The following SPTB variants were observed in gnomAD, a reference collection of about 807,000 sequenced individuals.
SPTB encodes the protein spectrin beta, erythrocytic, also known as spectrin beta chain, erythrocytic.
A neutral mutation model predicts 256.2 loss-of-function variants in SPTB; 45 were observed. The observed-to-expected ratio is 0.18, with a 90% CI of 0.14 to 0.23. The LOEUF (loss-of-function observed/expected upper bound fraction) is 0.23. Among genes scored for constraint, SPTB ranks in the 10% least tolerant of loss-of-function variants. SPTB has a pLI of 1.00. For missense variants in SPTB, 2,715 were observed against 3,040.4 expected (o/e 0.89, Z 2.52); for synonymous variants, 1,231 against 1,243.1 (o/e 0.99, Z 0.21).
chr14:64,765,546 C>T (rs754418673), intron 32 of SPTB, among the ~76,000 whole-genome samples: 17 of 152,170 alleles, frequency 1.1e-4, no homozygotes, highest in Non-Finnish European at 1.8e-4. Flanking sequence ...TCCTCCTTTC[C>T]GACAAGTTGG....
At chr14:64,766,613 G>T in intron 32 of SPTB, 113 bp downstream of exon 32, 2 of 1,608,956 alleles carry the variant, frequency 1.2e-6, no homozygotes. Flanking sequence ...GGAGGATGGA[G>T]GGCGGGGCTG....
intron 22 of SPTB, among the ~76,000 whole-genome samples, chr14:64,776,452 C>CT (rs1423664755): frequency 2.0e-5 from 3 of 152,116 alleles, no homozygotes; most frequent in East Asian, 1.9e-4. Flanking sequence ...AAATTAATTT[C>CT]TTTTTTTTAA....
At chr14:64,821,881 G>T (rs571339322) in intron 2 of SPTB, among the ~76,000 whole-genome samples, 4 of 152,160 alleles carry the variant, frequency 2.6e-5, no homozygotes, top group Non-Finnish European at 5.9e-5. Context: ...TCCCAGAGGG[G>T]TCCAGGGCCC....
chr14:64,789,422 C>T (rs2082630497), intron 15 of SPTB, among the ~76,000 whole-genome samples: 1 of 151,926 alleles, frequency 6.6e-6, no homozygotes, highest in Admixed American at 6.6e-5. Flanking sequence ...TGGATAGAGA[C>T]ATAAACAAGT....
chr14:64,855,955 T>G (rs397901), intron 1 of SPTB, among the ~76,000 whole-genome samples: 142,838 of 152,298 alleles, frequency 0.94, 67,595 homozygotes, highest in Non-Finnish European at 0.98. Context: ...TGGGCTGCAG[T>G]GCAGAGCTGC....
At chr14:64,812,661 C>T (rs1594803926) in intron 2 of SPTB, among the ~76,000 whole-genome samples, 1 of 152,134 alleles carries the variant, frequency 6.6e-6, no homozygotes, top group East Asian at 1.9e-4. Flanking sequence ...CAGCTGCCAG[C>T]CCCACCCACT....
chr14:64,843,283 C>T (rs933833530), intron 1 of SPTB, among the ~76,000 whole-genome samples: 5 of 152,132 alleles, frequency 3.3e-5, no homozygotes, highest in African/African-American at 1.2e-4. Context: ...CAGAGGCAAC[C>T]ACATCTCTTC....
At chr14:64,838,742 A>T (rs746070580) in intron 1 of SPTB, among the ~76,000 whole-genome samples, 1 of 152,202 alleles carries the variant, frequency 6.6e-6, no homozygotes, top group African/African-American at 2.4e-5. Flanking sequence ...GCAGTTTCTT[A>T]TAAAATTAAA....
rs1441494587 is a variant in SPTB at position 64,777,887 on chromosome 14, T to C, written c.4563+1270A>G. The stretch of plus-strand genomic sequence containing the variant: ...AGGGGAACCCCATCCGTATTTGTCT[T>C]GCCCTTTTCCCGAAATAGCAACTGC... On this transcript the variant is annotated intron_variant, in intron 22 of 35. Coordinates refer to ENST00000644917, the MANE Select transcript of SPTB (RefSeq NM_001355436.2). The surrounding 1 kb of genome is among the most constrained non-coding windows in gnomAD (Gnocchi z 4.5). 6.6e-6 allele frequency among the ~76,000 whole-genome samples: 1 copy of C among 152,118 alleles called. No individual in the cohort carries two copies. Among genetic ancestry groups the C allele is most frequent in the African/African-American group, 2.4e-5 (1 of 41,422 alleles).
At position 64,779,619 on chromosome 14, in the gene SPTB, T is replaced by C; in HGVS notation, c.4473+106A>G. 4.4e-6 allele frequency: 5 copies of C among 1,128,922 alleles called. No individual in the cohort carries two copies. The South Asian group carries it at 4.9e-5, about 11-fold the overall frequency. 69.9% of individuals were successfully genotyped at this position (1,128,922 alleles called of 1,614,324 possible). On this transcript the variant is annotated intron_variant, in intron 21 of 35. Transcript: ENST00000644917. The surrounding 1 kb of genome is among the most constrained non-coding windows in gnomAD (Gnocchi z 4.2). The stretch of plus-strand genomic sequence containing the variant: ...GAACCCTATGAGATAAGGGGTGAGG[T>C]GACCAGTCATCTACTGCCAAAAATT...
intron 2 of SPTB, among the ~76,000 whole-genome samples, chr14:64,812,261 TAAC>T (rs1223545246): frequency 6.6e-6 from 1 of 152,198 alleles, no homozygotes; most frequent in Non-Finnish European, 1.5e-5. Context: ...AAGAAAATAT[TAAC>T]ATGTTTTTAT....
At chr14:64,768,106 A>C in intron 29 of SPTB, 1 of 561,626 alleles carries the variant, frequency 1.8e-6, no homozygotes, top group Non-Finnish European at 3.2e-6. Context: ...CAGTGATGTG[A>C]TTATGGCTCA....
rs372732884 is a variant in SPTB at position 64,793,527 on chromosome 14, C to T, written c.2136G>A (p.Pro712=). 2.3e-4 allele frequency: 376 copies of T among 1,614,144 alleles called. No individual in the cohort carries two copies. The highest frequency in any genetic ancestry group is 1.1e-3 in the East Asian group (50 of 44,878). ...CCTCCTTTATGCGGGCCTCGATCTG[C>T]GGGTGCCCAAACTGCTTGCGCGCAA... is the stretch of plus-strand genomic sequence containing the variant. ...GMVARKQFGH[P]QIEARIKEVS... Residue 712 remains proline (P), a synonymous_variant, in exon 14 of 36, where the codon CCG becomes CCA. Coordinates refer to ENST00000644917, the MANE Select transcript of SPTB (RefSeq NM_001355436.2). This position sits in a 1 kb window ranked among gnomAD's most constrained non-coding sequence, Gnocchi z 7.0.
intron 1 of SPTB, among the ~76,000 whole-genome samples, chr14:64,876,619 G>A (rs887155081): frequency 1.1e-4 from 17 of 152,118 alleles, no homozygotes; most frequent in Non-Finnish European, 2.2e-4. Flanking sequence ...TCTCTAGATC[G>A]TAATGTGTAT....
intron 1 of SPTB, among the ~76,000 whole-genome samples, chr14:64,872,797 G>GT (rs1882612937): frequency 6.6e-6 from 1 of 152,182 alleles, no homozygotes; most frequent in African/African-American, 2.4e-5. Context: ...TGCTGTTCTC[G>GT]TGATAGTGAA....
In SPTB at chr14:64,759,681, C is replaced by G. The variant is rs569702521; in HGVS notation, c.6346-5888G>C. Among the ~76,000 whole-genome samples the G allele has an allele frequency of 1.2e-4, 18 of 152,332 alleles. No homozygotes were observed. Among genetic ancestry groups the G allele is most frequent in the Middle Eastern group, 6.8e-3 (2 of 294 alleles). On this transcript the variant is annotated intron_variant, in intron 32 of 35. Coordinates refer to ENST00000644917, the MANE Select transcript of SPTB (RefSeq NM_001355436.2). The surrounding 1 kb of genome is among the most constrained non-coding windows in gnomAD (Gnocchi z 4.8). ...CATATGGAGGAGCTGATCTGAGGTTCCCTTCCACCTTTGTGCTGTAAGGCA... is the reference window on the plus strand; with the variant it reads ...CATATGGAGGAGCTGATCTGAGGTTGCCTTCCACCTTTGTGCTGTAAGGCA...
In SPTB at chr14:64,796,287, A is replaced by C. The variant is rs1480963289; in HGVS notation, c.1341+270T>G. Among the ~76,000 whole-genome samples the C allele has an allele frequency of 1.3e-5, 2 of 152,252 alleles. No individual in the cohort carries two copies. The highest frequency in any genetic ancestry group is 4.8e-5 in the African/African-American group (2 of 41,542). On this transcript the variant is annotated intron_variant, in intron 11 of 35. Transcript: ENST00000644917. The surrounding 1 kb of genome is among the most constrained non-coding windows in gnomAD (Gnocchi z 4.1). ...AGAACCACAATTTAACATCAACTGAAACCCCAGCTGTAGTTGACACTACAG... is the reference window on the plus strand; with the variant it reads ...AGAACCACAATTTAACATCAACTGACACCCCAGCTGTAGTTGACACTACAG...
At position 64,772,069 on chromosome 14, in the gene SPTB, A is replaced by T. The variant is rs2082285835; in HGVS notation, c.5553+511T>A. Among the ~76,000 whole-genome samples the T allele has an allele frequency of 6.6e-6, 1 of 152,228 alleles. No individual in the cohort carries two copies. The highest frequency in any genetic ancestry group is 1.5e-5 in the Non-Finnish European group (1 of 68,034). ...TGGGGGCTCTCCAGCTCCCATGTGG[A>T]AAGGCTGAAGTGCCCGGTGGCTAAG... is the stretch of plus-strand genomic sequence containing the variant. On this transcript the variant is annotated intron_variant, in intron 26 of 35. Coordinates refer to ENST00000644917, the MANE Select transcript of SPTB (RefSeq NM_001355436.2). The surrounding 1 kb of genome is among the most constrained non-coding windows in gnomAD (Gnocchi z 5.4).
chr14:64,791,926 C>G (rs11622171), intron 14 of SPTB, 70 bp from the exon 15 acceptor site: 118,152 of 1,596,396 alleles, frequency 0.074, 4,951 homozygotes, highest in Non-Finnish European at 0.087. Context: ...AGTGGCACCC[C>G]CAGTCTCCAG....
Sources: allele counts gnomAD v4.1 joint callset (sites outside exome capture counted in the v4.1 genomes callset), GRCh38; gene constraint gnomAD v4.1.1; non-coding constraint Gnocchi (gnomAD v3.1); transcripts MANE v1.5; gene names NCBI Gene and HGNC (gene_info 2026-07-23, HGNC 2026-07-21).